The following GPC6 variants were observed in gnomAD, a reference collection of about 807,000 sequenced individuals.
The protein encoded by GPC6 is glypican 6.
GPC6 carries 14 observed loss-of-function variants against 55.2 expected under a neutral mutation model. The ratio of observed to expected loss-of-function variants is 0.25; its 90% CI spans 0.17 to 0.40. The LOEUF is 0.40. GPC6 is among the 10% of genes least tolerant of loss of function. The pLI is 1.00. For missense variants in GPC6, 641 were observed against 708.5 expected, an observed-to-expected ratio of 0.90 and a Z score of 1.08; for synonymous variants, 278 against 259.6, an observed-to-expected ratio of 1.07 and a Z score of -0.68.
intron 2 of GPC6, among the ~76,000 whole-genome samples, chr13:93,771,398 G>T (rs991484789): frequency 6.6e-6 from 1 of 152,134 alleles, no homozygotes; most frequent in Non-Finnish European, 1.5e-5. Context: ...AGACACAGGG[G>T]AGTGCTGCTT....
chr13:94,312,736 A>ACG (rs1876318683), intron 6 of GPC6, among the ~76,000 whole-genome samples: 2 of 121,464 alleles, frequency 1.6e-5, no homozygotes, highest in Non-Finnish European at 3.1e-5. Context: ...ACACACACAC[A>ACG]CACACATGCA....
intron 8 of GPC6, among the ~76,000 whole-genome samples, chr13:94,400,750 G>A (rs529100066): frequency 4.6e-5 from 7 of 152,282 alleles, no homozygotes; most frequent in African/African-American, 9.6e-5. Context: ...TCACCACTTC[G>A]GACTAGCAGG....
chr13:93,798,187 C>T (rs1234218002), intron 2 of GPC6, among the ~76,000 whole-genome samples: 1 of 152,018 alleles, frequency 6.6e-6, no homozygotes, highest in African/African-American at 2.4e-5. Flanking sequence ...ATCTCTGCTC[C>T]AGGTATTATG....
At chr13:93,444,070 T>C (rs1160996480) in intron 1 of GPC6, among the ~76,000 whole-genome samples, 8 of 152,158 alleles carry the variant, frequency 5.3e-5, no homozygotes, top group Admixed American at 1.3e-4. Context: ...CAGCAGATAA[T>C]TATCAACATT....
In GPC6 at chr13:93,317,702, TG is replaced by T. The variant is rs1373772284; in HGVS notation, c.160+90088del. Among the ~76,000 whole-genome samples, 11 of 152,272 alleles carry T rather than the reference TG, an allele frequency of 7.2e-5. No individual in the cohort carries two copies. The East Asian group carries it at 1.7e-3, about 24-fold the overall frequency. ...CTTTATCAGAAAACTGAGTGGACCA[TG>T]GTAAATTCTTAATTGGTTTTGTTAA... On this transcript the variant is annotated intron_variant, in intron 1 of 8. Coordinates refer to ENST00000377047, the MANE Select transcript of GPC6 (RefSeq NM_005708.5).
At chr13:93,658,482 A>G (rs1880783063) in intron 2 of GPC6, among the ~76,000 whole-genome samples, 1 of 151,934 alleles carries the variant, frequency 6.6e-6, no homozygotes, top group Non-Finnish European at 1.5e-5. Context: ...TTACCATCTT[A>G]CAATTTTACC....
chr13:93,828,551 ATT>A (rs1406955305), intron 2 of GPC6, among the ~76,000 whole-genome samples: 2 of 151,976 alleles, frequency 1.3e-5, no homozygotes, highest in Non-Finnish European at 2.9e-5. Context: ...TTCAATAGTC[ATT>A]TTCTTTACCG....
intron 1 of GPC6, among the ~76,000 whole-genome samples, chr13:93,306,757 C>T (rs1003293567): frequency 1.3e-5 from 2 of 152,014 alleles, no homozygotes; most frequent in East Asian, 1.9e-4. Context: ...GACATTTAGT[C>T]TATTCAATTT....
chr13:93,551,333 G>T, intron 2 of GPC6, among the ~76,000 whole-genome samples: 1 of 151,862 alleles, frequency 6.6e-6, no homozygotes, highest in Non-Finnish European at 1.5e-5. Flanking sequence ...ACAATTTCAG[G>T]GCATAAACAA....
chr13:93,530,798 A>G (rs1225471078), intron 1 of GPC6, among the ~76,000 whole-genome samples: 2 of 152,170 alleles, frequency 1.3e-5, no homozygotes, highest in African/African-American at 4.8e-5. Flanking sequence ...GCCTGGAGGA[A>G]ATACTACATA....
chr13:93,931,450 A>T (rs1363576772), intron 3 of GPC6, among the ~76,000 whole-genome samples: 1 of 151,980 alleles, frequency 6.6e-6, no homozygotes, highest in African/African-American at 2.4e-5. Context: ...AAAAAAAAAA[A>T]AAAAATTGTA....
At chr13:93,969,533 T>G (rs1421760568) in intron 3 of GPC6, among the ~76,000 whole-genome samples, 1 of 152,158 alleles carries the variant, frequency 6.6e-6, no homozygotes, top group African/African-American at 2.4e-5. Context: ...CACCTCCCTG[T>G]TACTCTTTGC....
At chr13:93,786,964 T>G (rs150474205) in intron 2 of GPC6, among the ~76,000 whole-genome samples, 65 of 152,306 alleles carry the variant, frequency 4.3e-4, no homozygotes, top group Admixed American at 1.1e-3. Flanking sequence ...ATAACAGTAT[T>G]ATTTCAGCAA....
intron 2 of GPC6, among the ~76,000 whole-genome samples, chr13:93,621,499 C>A (rs374224308): frequency 1.3e-5 from 2 of 152,178 alleles, no homozygotes; most frequent in East Asian, 3.9e-4. Flanking sequence ...GTGAGACTCC[C>A]TGGCCATACC....
At chr13:93,840,299 C>T (rs939415625) in intron 3 of GPC6, among the ~76,000 whole-genome samples, 3 of 151,992 alleles carry the variant, frequency 2.0e-5, no homozygotes, top group African/African-American at 4.8e-5. Flanking sequence ...AAAGATCATT[C>T]GAGGCTACTG....
chr13:93,471,752 T>C (rs1456873767), intron 1 of GPC6, among the ~76,000 whole-genome samples: 2 of 152,224 alleles, frequency 1.3e-5, no homozygotes, highest in Non-Finnish European at 2.9e-5. Flanking sequence ...GTGTATGATT[T>C]TAATGACTTC....
chr13:93,753,817 C>T (rs895233129), intron 2 of GPC6, among the ~76,000 whole-genome samples: 2 of 152,076 alleles, frequency 1.3e-5, no homozygotes, highest in South Asian at 2.1e-4. Context: ...AGTCTTGCTC[C>T]ATCACCCATG....
intron 6 of GPC6, among the ~76,000 whole-genome samples, chr13:94,318,259 T>C (rs943769560): frequency 5.3e-5 from 8 of 152,262 alleles, no homozygotes; most frequent in South Asian, 2.1e-4. Flanking sequence ...AGTAGACCTA[T>C]TTTTCTTTGT....
At chr13:93,865,742 G>A (rs1888946162) in intron 3 of GPC6, among the ~76,000 whole-genome samples, 1 of 151,596 alleles carries the variant, frequency 6.6e-6, no homozygotes, top group Non-Finnish European at 1.5e-5. Flanking sequence ...CATTGCCTAT[G>A]GGAAAGAGAG....
Sources: allele counts gnomAD v4.1 joint callset (sites outside exome capture counted in the v4.1 genomes callset), GRCh38; gene constraint gnomAD v4.1.1; transcripts MANE v1.5; gene names NCBI Gene and HGNC (gene_info 2026-07-23, HGNC 2026-07-21).